Variants in FGF10 observed in about 807,000 individuals in gnomAD.
FGF10 encodes the protein FGF-10.
In FGF10, 2 loss-of-function variants were observed where a neutral mutation model predicts 19.8. That is an observed-to-expected ratio of 0.10 (90% confidence interval 0.04 to 0.32). The LOEUF is 0.32. Ranked by LOEUF, FGF10 falls within the 10% of genes least tolerant of loss-of-function variation. The pLI is 1.00. For synonymous variants in FGF10, 112 were observed against 94.0 expected (o/e 1.19, Z -1.10); for missense variants, 191 against 246.3 (o/e 0.78, Z 1.50).
At chr5:44,367,536 A>G (rs1355107639) in intron 1 of FGF10, among the ~76,000 whole-genome samples, 1 of 152,068 alleles carries the variant, frequency 6.6e-6, no homozygotes, top group East Asian at 1.9e-4. Context: ...CCTGGGTTCA[A>G]ATCCTAGTCT....
At chr5:44,339,840 T>C (rs1740928972) in intron 1 of FGF10, among the ~76,000 whole-genome samples, 1 of 152,174 alleles carries the variant, frequency 6.6e-6, no homozygotes, top group African/African-American at 2.4e-5. Flanking sequence ...ATTCTTTTCA[T>C]GTTCCTATCA....
At chr5:44,359,735 T>C (rs964528646) in intron 1 of FGF10, among the ~76,000 whole-genome samples, 1 of 151,374 alleles carries the variant, frequency 6.6e-6, no homozygotes, top group Admixed American at 6.6e-5. Flanking sequence ...GGGATACAAG[T>C]GGAATTTTGT....
At chr5:44,350,415 A>T (rs1352236322) in intron 1 of FGF10, among the ~76,000 whole-genome samples, 1 of 150,862 alleles carries the variant, frequency 6.6e-6, no homozygotes, top group South Asian at 2.1e-4. Context: ...AAATAAAAAG[A>T]AATTCACCAA....
intron 1 of FGF10, among the ~76,000 whole-genome samples, chr5:44,322,975 T>C (rs1316767048): frequency 6.6e-6 from 1 of 152,106 alleles, no homozygotes; most frequent in African/African-American, 2.4e-5. Flanking sequence ...CAGTCCCTGG[T>C]GCCAAAAAAG....
chr5:44,379,809 T>A (rs1391656165), intron 1 of FGF10, among the ~76,000 whole-genome samples: 1 of 152,210 alleles, frequency 6.6e-6, no homozygotes, highest in Non-Finnish European at 1.5e-5. Context: ...CTTGTCTTCA[T>A]CACTCCAGCA....
chr5:44,322,766 G>C (rs1408292762), intron 1 of FGF10, among the ~76,000 whole-genome samples: 1 of 151,822 alleles, frequency 6.6e-6, no homozygotes, highest in Non-Finnish European at 1.5e-5. Flanking sequence ...TTATGGAGTA[G>C]ATGGGACTAT....
At chr5:44,313,599 T>TC (rs1418982379) in intron 1 of FGF10, among the ~76,000 whole-genome samples, 2 of 151,856 alleles carry the variant, frequency 1.3e-5, no homozygotes, top group Non-Finnish European at 2.9e-5. Context: ...TTTTTTTTTT[T>TC]TTAACTCAAA....
At chr5:44,342,618 G>C (rs542100104) in intron 1 of FGF10, among the ~76,000 whole-genome samples, 2 of 151,788 alleles carry the variant, frequency 1.3e-5, no homozygotes, top group Admixed American at 1.3e-4. Flanking sequence ...GGAAGACAGA[G>C]TACCCTTACA....
chr5:44,371,786 A>G (rs970825956), intron 1 of FGF10, among the ~76,000 whole-genome samples: 2 of 152,158 alleles, frequency 1.3e-5, no homozygotes, highest in Admixed American at 1.3e-4. Flanking sequence ...TTGAGGTTCC[A>G]TTATAAGCCT....
rs536934287 is a variant in FGF10 at position 44,303,069 on chromosome 5, A to G, written c.*1926T>C. Reference sequence around the variant, plus strand: ...TCCAGATTCCAACCACAAAAATTAAACATTTTTATAATCTCATTTGCCAAA... The same window carrying G: ...TCCAGATTCCAACCACAAAAATTAAGCATTTTTATAATCTCATTTGCCAAA... On this transcript the variant is annotated 3_prime_UTR_variant, in exon 3 of 3. Coordinates refer to ENST00000264664, the MANE Select transcript of FGF10 (RefSeq NM_004465.2). 5.0e-4 allele frequency among the ~76,000 whole-genome samples: 76 copies of G among 152,306 alleles called. No individual in the cohort carries two copies. Among genetic ancestry groups the G allele is most frequent in the Non-Finnish European group, 9.3e-4 (63 of 68,030 alleles).
intron 1 of FGF10, among the ~76,000 whole-genome samples, chr5:44,377,700 G>C (rs1160700458): frequency 6.6e-6 from 1 of 151,940 alleles, no homozygotes; most frequent in Non-Finnish European, 1.5e-5. Flanking sequence ...GAAATGCTTG[G>C]GATCAGAAAG....
intron 1 of FGF10, among the ~76,000 whole-genome samples, chr5:44,310,856 C>T (rs190340499): frequency 8.5e-5 from 13 of 152,198 alleles, no homozygotes; most frequent in African/African-American, 3.1e-4. Flanking sequence ...AATATTGAAA[C>T]AACTCTACTC....
chr5:44,350,183 A>G (rs530362779), intron 1 of FGF10, among the ~76,000 whole-genome samples: 1 of 150,652 alleles, frequency 6.6e-6, no homozygotes, highest in East Asian at 2.0e-4. Context: ...TATATAATAA[A>G]TGTATATTAT....
intron 1 of FGF10, among the ~76,000 whole-genome samples, chr5:44,346,420 A>G (rs1227201069): frequency 6.6e-6 from 1 of 151,854 alleles, no homozygotes; most frequent in African/African-American, 2.4e-5. Context: ...TAACATGTCA[A>G]TTAATTTTGG....
chr5:44,380,867 C>G (rs968352902), intron 1 of FGF10, among the ~76,000 whole-genome samples: 1 of 152,088 alleles, frequency 6.6e-6, no homozygotes, highest in Non-Finnish European at 1.5e-5. Flanking sequence ...GTGGTACATG[C>G]CTGCAGTTCC....
chr5:44,343,586 GTTC>G (rs1156243904), intron 1 of FGF10, among the ~76,000 whole-genome samples: 1 of 151,934 alleles, frequency 6.6e-6, no homozygotes, highest in Non-Finnish European at 1.5e-5. Context: ...CTGTTTTTCA[GTTC>G]TTCTGGTTAT....
At chr5:44,357,469 T>G (rs1741375511) in intron 1 of FGF10, among the ~76,000 whole-genome samples, 1 of 151,540 alleles carries the variant, frequency 6.6e-6, no homozygotes, top group South Asian at 2.1e-4. Flanking sequence ...CAGTTGAAAC[T>G]GTTTAACACT....
chr5:44,355,809 A>G (rs1550938), intron 1 of FGF10, among the ~76,000 whole-genome samples: 148,519 of 151,354 alleles, frequency 0.98, 72,938 homozygotes, highest in East Asian at 1. Context: ...CCTATTCTGC[A>G]TCTTATAAAT....
chr5:44,331,508 A>T (rs910062572), intron 1 of FGF10, among the ~76,000 whole-genome samples: 2 of 152,196 alleles, frequency 1.3e-5, no homozygotes, highest in African/African-American at 4.8e-5. Flanking sequence ...TTCATGTTTG[A>T]TTCAATGTTT....
Sources: gnomAD v4.1 joint callset for allele counts (sites outside exome capture counted in the v4.1 genomes callset) on GRCh38, gnomAD v4.1.1 for gene constraint, MANE v1.5 for transcripts, NCBI Gene and HGNC (gene_info 2026-07-23, HGNC 2026-07-21) for gene names.